ASB17: variants seen among roughly 807,000 people sequenced by gnomAD.
The protein encoded by ASB17 is ankyrin repeat and SOCS box protein 17.
ASB17 carries 26 observed loss-of-function variants against 25.7 expected under a neutral mutation model. That is an observed-to-expected ratio of 1.01 (90% CI 0.74 to 1.40). ASB17 has a LOEUF of 1.40. ASB17 is among the 40% of genes most tolerant of loss of function. ASB17 has a pLI of 0.00. For synonymous variants in ASB17, 128 were observed against 121.4 expected, an observed-to-expected ratio of 1.05 and a Z score of -0.36; for missense variants, 326 against 338.5, an observed-to-expected ratio of 0.96 and a Z score of 0.29.
At chr1:75,921,880 ATTCT>A (rs768681451) in intron 2 of ASB17, among the ~76,000 whole-genome samples, 196 bp downstream of exon 2, 1 of 152,106 alleles carries the variant, frequency 6.6e-6, no homozygotes, top group African/African-American at 2.4e-5. Flanking sequence ...ATAACTTAAA[ATTCT>A]TTCATATTTC....
chr1:75,926,333 A>G (rs1048746983), intron 1 of ASB17, among the ~76,000 whole-genome samples: 2 of 152,242 alleles, frequency 1.3e-5, no homozygotes, highest in African/African-American at 2.4e-5. Flanking sequence ...TGGTACGGTC[A>G]GGGCATTTTT....
rs755393836 is a variant in ASB17 at position 75,922,088 on chromosome 1, C to A, written c.673G>T (p.Glu225Ter). The change falls in exon 2 of 3, where the codon GAA becomes TAA. Residue 225 changes from glutamate (E) to a stop codon, truncating the protein, a stop_gained. Coordinates refer to ENST00000284142, the MANE Select transcript of ASB17 (RefSeq NM_080868.3). LOFTEE classifies it high-confidence loss of function. ...SRVLSVISVK[E>*]IKTQLSLGRH... ...TAAAGTAGTTTTCTTACCTTTATTTCCTTGACTGAAATGACAGAAAGCACT... is the reference window on the plus strand; with the variant it reads ...TAAAGTAGTTTTCTTACCTTTATTTACTTGACTGAAATGACAGAAAGCACT... 1.0e-5 allele frequency: 16 copies of A among 1,603,352 alleles called. No homozygotes were observed. Among genetic ancestry groups the A allele is most frequent in the Non-Finnish European group, 1.3e-5 (15 of 1,173,362 alleles).
intron 2 of ASB17, among the ~76,000 whole-genome samples, chr1:75,921,490 C>T (rs1188640438): frequency 1.3e-5 from 2 of 152,164 alleles, no homozygotes; most frequent in African/African-American, 4.8e-5. Context: ...GATGATGACA[C>T]TTGCAGTTCA....
chr1:75,922,363 T>C lies in ASB17; in HGVS notation c.402-4A>G, dbSNP rs775014039. ...ACAGTATACTGGTGTGAAAGTTCTG[T>C]GAATTAAACAAAACAAAAACTCATT... On this transcript the variant is annotated splice_region_variant and splice_polypyrimidine_tract_variant and intron_variant, in intron 1 of 2. Coordinates refer to ENST00000284142, the MANE Select transcript of ASB17 (RefSeq NM_080868.3). 1 of 1,553,272 alleles carries C rather than the reference T, an allele frequency of 6.4e-7. No individual in the cohort carries two copies. The highest frequency in any genetic ancestry group is 8.7e-7 in the Non-Finnish European group (1 of 1,151,088).
chr1:75,919,702 C>A (rs953091058), intron 2 of ASB17, among the ~76,000 whole-genome samples: 1 of 152,178 alleles, frequency 6.6e-6, no homozygotes, highest in East Asian at 1.9e-4. Context: ...CATGTCCCTA[C>A]AAAGGGCATG....
rs777844805 is a variant in ASB17, at chr1:75,922,129, A to G, written c.632T>C (p.Leu211Ser). 4.8e-5 allele frequency: 77 copies of G among 1,613,918 alleles called. 1 individual carries two copies. Among genetic ancestry groups the G allele is most frequent in the South Asian group, 4.5e-4 (41 of 91,062 alleles). ...AGAAAGCACTCTGGAACATAGTACC[A>G]AACATGTTTTGGCATCTTCATGGAT... ...ADIHEDAKTC[L>S]VLCSRVLSVI... Residue 211 changes from leucine (L) to serine (S), a missense_variant, in exon 2 of 3, where the codon TTG becomes TCG. Physicochemically the swap from Leu to Ser is moderately radical, Grantham distance 145. Transcript: ENST00000284142.
intron 1 of ASB17, among the ~76,000 whole-genome samples, chr1:75,922,992 A>T (rs886229039): frequency 7.9e-5 from 12 of 152,246 alleles, no homozygotes; most frequent in Admixed American, 3.9e-4. Context: ...ACAGTATTAC[A>T]AAACTGATGT....
Position 75,920,169 on chromosome 1 carries a change from G to A in ASB17, c.682-1011C>T, listed in dbSNP as rs75913492. On this transcript the variant is annotated intron_variant, in intron 2 of 2. Coordinates refer to ENST00000284142, the MANE Select transcript of ASB17 (RefSeq NM_080868.3). ...GTGATATCAACCATTGTAGAGTAAA[G>A]CTTCATACACAAGAAGGCCTGACAC... Among the ~76,000 whole-genome samples the A allele has an allele frequency of 9.6e-3, 1,461 of 152,282 alleles. 22 individuals are homozygous for A. The highest frequency in any genetic ancestry group is 0.044 in the Middle Eastern group (13 of 294).
At chr1:75,927,927 A>G (rs955733412) in intron 1 of ASB17, among the ~76,000 whole-genome samples, 24 of 152,088 alleles carry the variant, frequency 1.6e-4, no homozygotes, top group Admixed American at 1.4e-3. Context: ...TTCTCTTACT[A>G]CATGATTCCT....
chr1:75,919,185 T>C (rs1377513531), intron 2 of ASB17, 27 bp from the exon 3 acceptor site: 2 of 1,483,398 alleles, frequency 1.3e-6, no homozygotes, highest in East Asian at 2.3e-5. Flanking sequence ...TATTTTACTT[T>C]TGTAATGTTT....
At position 75,918,907 on chromosome 1, in the gene ASB17, A is replaced by G. The variant is rs376305907; in HGVS notation, c.*45T>C. ...GTGAATTTTTATTAACTTCTAAGCC[A>G]TACATTGGTAAGCATTGTTAAGGAA... is the stretch of plus-strand genomic sequence containing the variant. On this transcript the variant is annotated 3_prime_UTR_variant, in exon 3 of 3. Transcript: ENST00000284142. 2.8e-4 allele frequency: 407 copies of G among 1,470,014 alleles called. No individual in the cohort carries two copies. Among genetic ancestry groups the G allele is most frequent in the Non-Finnish European group, 3.6e-4 (382 of 1,049,834 alleles). The allele number at this position is 1,470,014 out of a possible 1,614,324, so 91.1% of individuals were successfully genotyped here.
chr1:75,922,239 T>G lies in ASB17; in HGVS notation c.522A>C (p.Arg174Ser), dbSNP rs776333372. 4 of 1,613,718 alleles carry G rather than the reference T, an allele frequency of 2.5e-6. No individual in the cohort carries two copies. The highest frequency in any genetic ancestry group is 2.2e-5 in the East Asian group (1 of 44,830). The change falls in exon 2 of 3, where the codon AGA (arginine) becomes AGC (serine). Residue 174 changes from arginine to serine, a missense_variant. Physicochemically the swap from Arg to Ser is moderately radical, Grantham distance 110. Coordinates refer to ENST00000284142, the MANE Select transcript of ASB17 (RefSeq NM_080868.3). The part of the protein sequence containing the change: ...KILLQYGILE[R>S]EKNPINIVLT... ...AGACAATGTTGATAGGGTTTTTTTC[T>G]CTTTCTAAGATTCCATATTGCAGTA...
At chr1:75,921,936 T>C (rs942511696) in intron 2 of ASB17, 144 bp downstream of exon 2, 27 of 670,716 alleles carry the variant, frequency 4.0e-5, no homozygotes, top group South Asian at 3.7e-4. Flanking sequence ...ATTTTCCCTA[T>C]TATTTTTATT....
In ASB17 at chr1:75,931,920, G is replaced by A. The variant is rs139449858; in HGVS notation, c.372C>T (p.Asp124=). 3.4e-5 allele frequency: 54 copies of A among 1,610,724 alleles called. No individual in the cohort carries two copies. Among genetic ancestry groups the A allele is most frequent in the Non-Finnish European group, 4.2e-5 (49 of 1,178,630 alleles). Residue 124 remains aspartate, a synonymous_variant, in exon 1 of 3, where the codon GAC becomes GAT. Coordinates refer to ENST00000284142, the MANE Select transcript of ASB17 (RefSeq NM_080868.3). ...LLKKTKDYVQ[D]RSCNLALIWR... ...ATATCAGTGCCAGGTTACAACTTCT[G>A]TCTTGAACATAGTCTTTTGTCTTCT...
Position 75,918,991 on chromosome 1 carries a change from A to G in ASB17, c.849T>C (p.Ile283=). 6.2e-7 allele frequency: 1 copy of G among 1,613,072 alleles called. No homozygotes were observed. The highest frequency in any genetic ancestry group is 8.5e-7 in the Non-Finnish European group (1 of 1,179,254). The part of the protein sequence containing the change: ...MLPDGIFSLL[I]PARLQNYLNL... ...TCAGATAGTTTTGTAGACGAGCAGG[A>G]ATTAGAAGTGAAAATATTCCATCTG... is the stretch of plus-strand genomic sequence containing the variant. Residue 283 remains isoleucine (I), a synonymous_variant, in exon 3 of 3, where the codon ATT becomes ATC. Transcript: ENST00000284142.
intron 1 of ASB17, among the ~76,000 whole-genome samples, chr1:75,926,782 C>T (rs1213038821): frequency 2.0e-5 from 3 of 152,158 alleles, no homozygotes; most frequent in Admixed American, 6.5e-5. Context: ...TTAAGGATGG[C>T]ACTGTTTATC....
intron 1 of ASB17, among the ~76,000 whole-genome samples, chr1:75,930,753 T>A (rs1468136993): frequency 6.6e-6 from 1 of 152,196 alleles, no homozygotes; most frequent in East Asian, 1.9e-4. Context: ...TTTTAATTTT[T>A]AAAAATTTAT....
chr1:75,921,470 G>T (rs1312416630), intron 2 of ASB17, among the ~76,000 whole-genome samples: 1 of 152,168 alleles, frequency 6.6e-6, no homozygotes, highest in Non-Finnish European at 1.5e-5. Flanking sequence ...TAATGGGCAT[G>T]ATTCAATTTG....
In ASB17 at chr1:75,922,488, C is replaced by CTTTTTTTTTTTT. The variant is rs3037164; in HGVS notation, c.402-141_402-130dup. The CTTTTTTTTTTTT allele has an allele frequency of 5.0e-4, 61 of 122,352 alleles. 5 individuals carry two copies. The highest frequency in any genetic ancestry group is 1.5e-3 in the East Asian group (4 of 2,622). The allele number at this position is 122,352 out of a possible 1,614,324, so 7.6% of individuals were successfully genotyped here. A position where few individuals can be genotyped will look rare whatever the true frequency, so the allele number is the denominator to read the frequency against. ...GTCTTAAATGTAACTTTATATGTTT[C>CTTTTTTTTTTTT]TTTTTTTTTTTTTTTTTTTTTTTTT... On this transcript the variant is annotated intron_variant, in intron 1 of 2. Coordinates refer to ENST00000284142, the MANE Select transcript of ASB17 (RefSeq NM_080868.3).
Sources: gnomAD v4.1 joint callset for allele counts (sites outside exome capture counted in the v4.1 genomes callset) on GRCh38, gnomAD v4.1.1 for gene constraint, MANE v1.5 for transcripts, NCBI Gene and HGNC (gene_info 2026-07-23, HGNC 2026-07-21) for gene names.